Variants in ZNF627 observed in about 807,000 individuals in gnomAD.
ZNF627 encodes zinc finger protein 627.
In ZNF627, 12 loss-of-function variants were observed where a neutral mutation model predicts 10.6. The observed-to-expected ratio is 1.13, with a 90% CI of 0.73 to 1.84. The LOEUF is 1.84. ZNF627 is among the 40% of genes most tolerant of loss of function. The pLI, the probability that ZNF627 is intolerant of heterozygous loss-of-function variation, is 0.00. For synonymous variants in ZNF627, 176 were observed against 187.1 expected (o/e 0.94, Z 0.48); for missense variants, 504 against 568.4 (o/e 0.89, Z 1.15).
chr19:11,599,187 C>T (rs1291167207), intron 1 of ZNF627, among the ~76,000 whole-genome samples: 1 of 152,146 alleles, frequency 6.6e-6, no homozygotes, highest in East Asian at 1.9e-4. Flanking sequence ...CTGGTATCAG[C>T]CTGCTCCCAC....
At chr19:11,601,398 G>A (rs1973582639) in intron 1 of ZNF627, among the ~76,000 whole-genome samples, 1 of 152,026 alleles carries the variant, frequency 6.6e-6, no homozygotes, top group African/African-American at 2.4e-5. Context: ...GGAGTGCAGT[G>A]GTGCGATCAT....
intron 2 of ZNF627, 66 bp downstream of exon 2, chr19:11,614,719 T>A: frequency 1.2e-6 from 2 of 1,610,876 alleles, no homozygotes; most frequent in Non-Finnish European, 1.7e-6. Context: ...CCTTAACACT[T>A]TGGGGAATAA....
chr19:11,613,837 T>C (rs1278757483), intron 1 of ZNF627, among the ~76,000 whole-genome samples: 1 of 152,024 alleles, frequency 6.6e-6, no homozygotes, highest in Non-Finnish European at 1.5e-5. Flanking sequence ...AAGCTCAAAC[T>C]TTGTGAACAA....
At chr19:11,604,609 C>G (rs1051395523) in intron 1 of ZNF627, among the ~76,000 whole-genome samples, 1 of 152,208 alleles carries the variant, frequency 6.6e-6, no homozygotes, top group African/African-American at 2.4e-5. Context: ...CCAGCTCCTT[C>G]ATCCCCAGTG....
At chr19:11,600,453 T>A (rs1024119893) in intron 1 of ZNF627, among the ~76,000 whole-genome samples, 1 of 152,028 alleles carries the variant, frequency 6.6e-6, no homozygotes, top group African/African-American at 2.4e-5. Flanking sequence ...AAAAAAATTA[T>A]TATTTTTTTC....
intron 1 of ZNF627, among the ~76,000 whole-genome samples, chr19:11,600,356 C>G (rs1360644141): frequency 6.6e-6 from 1 of 152,112 alleles, no homozygotes; most frequent in Non-Finnish European, 1.5e-5. Flanking sequence ...AGGAGAATGG[C>G]ATGAACCTGG....
At chr19:11,608,868 C>CTTA (rs761549584) in intron 1 of ZNF627, among the ~76,000 whole-genome samples, 5 of 151,732 alleles carry the variant, frequency 3.3e-5, no homozygotes, top group Non-Finnish European at 7.4e-5. Context: ...ATTACAATAA[C>CTTA]TTATTATTAT....
Position 11,614,653 on chromosome 19 carries a change from G to C in ZNF627, c.130G>C (p.Gly44Arg). Reference sequence around the variant, plus strand: ...AACCTTCAGGAACCTGGCTTCTGTAGGTAAGGGTGACAATATTCCTTTCCT... The same window carrying C: ...AACCTTCAGGAACCTGGCTTCTGTACGTAAGGGTGACAATATTCCTTTCCT... ...RETFRNLASV[G>R]KQWEDQNIED... Residue 44 changes from glycine (G) to arginine (R), a missense_variant and splice_region_variant, in exon 2 of 4, where the codon GGA becomes CGA. Gly to Arg is a moderately radical substitution (Grantham distance 125). Coordinates refer to ENST00000361113, the MANE Select transcript of ZNF627 (RefSeq NM_145295.4). 6.2e-7 allele frequency: 1 copy of C among 1,613,832 alleles called. No homozygotes were observed. The highest frequency in any genetic ancestry group is 8.5e-7 in the Non-Finnish European group (1 of 1,179,964).
chr19:11,610,930 G>A (rs1291837452), intron 1 of ZNF627, among the ~76,000 whole-genome samples: 2 of 151,724 alleles, frequency 1.3e-5, no homozygotes, highest in African/African-American at 4.8e-5. Context: ...TCAGCTCACT[G>A]CAACCTCCAC....
chr19:11,605,807 C>T (rs920667549), intron 1 of ZNF627, among the ~76,000 whole-genome samples: 1 of 152,104 alleles, frequency 6.6e-6, no homozygotes, highest in African/African-American at 2.4e-5. Context: ...CCAACAGTCC[C>T]CCAAAGTCTT....
chr19:11,614,972 A>G (rs1316269600), intron 3 of ZNF627, 85 bp downstream of exon 3: 26 of 1,095,558 alleles, frequency 2.4e-5, no homozygotes, highest in Middle Eastern at 3.0e-4. Flanking sequence ...TTTTTAGATG[A>G]AGTCTCGCTC....
chr19:11,615,385 G>A lies in ZNF627; in HGVS notation c.191+498G>A, dbSNP rs576704042. On this transcript the variant is annotated intron_variant, in intron 3 of 3. Coordinates refer to ENST00000361113, the MANE Select transcript of ZNF627 (RefSeq NM_145295.4). The stretch of plus-strand genomic sequence containing the variant: ...GGAGGCTGAGGTGGGCAGATCACGA[G>A]GTCAGGAGATCGAGACCATCCTGGC... Among the ~76,000 whole-genome samples the A allele has an allele frequency of 2.0e-5, 3 of 151,008 alleles. No homozygotes were observed. The East Asian group carries it at 6.2e-4, about 31-fold the overall frequency.
chr19:11,617,809 G>A lies in ZNF627; in HGVS notation c.1306G>A (p.Val436Ile). ...KAFSRSTYFR[V>I]HEKIHTGEKP... is the part of the protein sequence containing the mutation. Reference sequence around the variant, plus strand: ...CTTCAGTCGATCCACTTACTTTCGAGTACATGAAAAAATTCATACTGGAGA... The same window carrying A: ...CTTCAGTCGATCCACTTACTTTCGAATACATGAAAAAATTCATACTGGAGA... The change falls in exon 4 of 4, where the codon GTA becomes ATA. Residue 436 changes from valine to isoleucine, a missense_variant. Physicochemically the swap from Val to Ile is conservative, Grantham distance 29. Coordinates refer to ENST00000361113, the MANE Select transcript of ZNF627 (RefSeq NM_145295.4). 6.2e-7 allele frequency: 1 copy of A among 1,609,108 alleles called. No individual in the cohort carries two copies.
chr19:11,603,457 T>C (rs115702241), intron 1 of ZNF627, among the ~76,000 whole-genome samples: 36,031 of 114,746 alleles, frequency 0.31, 4,357 homozygotes, highest in Non-Finnish European at 0.36. Flanking sequence ...ATTTTTGTAT[T>C]TTTTTTTTTT....
rs572986491 is a variant in ZNF627 at position 11,610,914 on chromosome 19, G to A, written c.4-3613G>A. Among the ~76,000 whole-genome samples, 29 of 151,992 alleles carry A rather than the reference G, an allele frequency of 1.9e-4. No individual in the cohort carries two copies. The East Asian group carries it at 3.7e-3, about 19-fold the overall frequency. On this transcript the variant is annotated intron_variant, in intron 1 of 3. Transcript: ENST00000361113. ...GTTGGCCAGGCTGGAGTGCAGTGGC[G>A]TGATTTCAGCTCACTGCAACCTCCA...
rs79734663 is a variant in ZNF627 at position 11,610,683 on chromosome 19, C to T, written c.4-3844C>T. Among the ~76,000 whole-genome samples, 445 of 152,260 alleles carry T rather than the reference C, an allele frequency of 2.9e-3. 2 individuals carry two copies. Among genetic ancestry groups the T allele is most frequent in the African/African-American group, 0.01 (425 of 41,552 alleles). On this transcript the variant is annotated intron_variant, in intron 1 of 3. Transcript: ENST00000361113. ...AACTTGAATCTGTACTCCTGGTTTG[C>T]AGTCCTCAGCTCTGGCCCCAATAGA...
Position 11,617,343 on chromosome 19 carries a change from A to G in ZNF627, c.840A>G (p.Glu280=), listed in dbSNP as rs780974545. The change falls in exon 4 of 4, where the codon GAA becomes GAG. Residue 280 remains glutamate, a synonymous_variant. Transcript: ENST00000361113. ...ERTHTGEKPY[E]CKQCGKAFRC... ...CTCACACAGGAGAGAAACCCTACGAATGTAAACAGTGCGGTAAAGCCTTTA... is the reference window on the plus strand; with the variant it reads ...CTCACACAGGAGAGAAACCCTACGAGTGTAAACAGTGCGGTAAAGCCTTTA... 6.2e-7 allele frequency: 1 copy of G among 1,613,912 alleles called. No homozygotes were observed. The highest frequency in any genetic ancestry group is 2.2e-5 in the East Asian group (1 of 44,866).
intron 1 of ZNF627, among the ~76,000 whole-genome samples, chr19:11,601,385 G>C (rs1052636154): frequency 6.6e-6 from 1 of 151,902 alleles, no homozygotes; most frequent in Non-Finnish European, 1.5e-5. Flanking sequence ...TGTCTCCTAG[G>C]CTGGAGTGCA....
At chr19:11,598,473 T>C (rs1479974587) in intron 1 of ZNF627, among the ~76,000 whole-genome samples, 1 of 152,190 alleles carries the variant, frequency 6.6e-6, no homozygotes, top group Non-Finnish European at 1.5e-5. Flanking sequence ...TAGATTTCTG[T>C]TTCCTTGGGT....
Sources: allele counts gnomAD v4.1 joint callset (sites outside exome capture counted in the v4.1 genomes callset), GRCh38; gene constraint gnomAD v4.1.1; transcripts MANE v1.5; gene names NCBI Gene and HGNC (gene_info 2026-07-23, HGNC 2026-07-21).